Variants in CSNK1G3 observed in about 807,000 individuals in gnomAD.
The protein encoded by CSNK1G3 is casein kinase 1 gamma 3, also known as casein kinase I isoform gamma-3.
In CSNK1G3, 23 loss-of-function variants were observed where a neutral mutation model predicts 64.3. That is an observed-to-expected ratio of 0.36 (90% CI 0.26 to 0.51). The LOEUF (loss-of-function observed/expected upper bound fraction) is 0.51. Ranked by LOEUF, CSNK1G3 falls within the 20% of genes least tolerant of loss-of-function variation. CSNK1G3 has a pLI of 0.96. For synonymous variants in CSNK1G3, 158 were observed against 162.2 expected, an observed-to-expected ratio of 0.97 and a Z score of 0.20; for missense variants, 357 against 510.5, an observed-to-expected ratio of 0.70 and a Z score of 2.90.
At chr5:123,536,867 A>G (rs1426972850) in intron 1 of CSNK1G3, among the ~76,000 whole-genome samples, 2 of 152,212 alleles carry the variant, frequency 1.3e-5, no homozygotes, top group Non-Finnish European at 2.9e-5. Flanking sequence ...AGGGAAATGC[A>G]AATTAAAACC....
At chr5:123,591,327 A>T (rs2150983398) in exon 10 of CSNK1G3, 1 of 1,602,070 alleles carries the variant, frequency 6.2e-7, no homozygotes, top group East Asian at 2.3e-5. Context: ...AGCCTACTCC[A>T]GTGGGTGCAG....
At chr5:123,569,677 A>G (rs896138258) in intron 4 of CSNK1G3, among the ~76,000 whole-genome samples, 1 of 152,220 alleles carries the variant, frequency 6.6e-6, no homozygotes, top group South Asian at 2.1e-4. Context: ...GAAAGCTTTA[A>G]TTTTATTATT....
chr5:123,593,992 G>C (rs777956261), intron 10 of CSNK1G3, among the ~76,000 whole-genome samples: 1 of 152,070 alleles, frequency 6.6e-6, no homozygotes. Flanking sequence ...TTCGTAAGGA[G>C]CTAGGTAGTA....
intron 6 of CSNK1G3, among the ~76,000 whole-genome samples, chr5:123,582,212 G>A (rs1317016453): frequency 6.6e-6 from 1 of 152,068 alleles, no homozygotes; most frequent in Non-Finnish European, 1.5e-5. Context: ...AATAAATAAT[G>A]TTGAGATATA....
At chr5:123,606,735 G>C (rs928102692) in intron 12 of CSNK1G3, among the ~76,000 whole-genome samples, 1 of 151,944 alleles carries the variant, frequency 6.6e-6, no homozygotes, top group Non-Finnish European at 1.5e-5. Context: ...ACTGAAACTG[G>C]CTGTTCTGTG....
chr5:123,590,476 A>G (rs1308260170), exon 9 of CSNK1G3: 1 of 1,536,736 alleles, frequency 6.5e-7, no homozygotes, highest in Non-Finnish European at 8.7e-7. Flanking sequence ...GACTATGACT[A>G]CTTAAGAAAG....
At chr5:123,515,143 C>G (rs1463234627) in intron 1 of CSNK1G3, among the ~76,000 whole-genome samples, 1 of 152,114 alleles carries the variant, frequency 6.6e-6, no homozygotes, top group Non-Finnish European at 1.5e-5. Context: ...TCAATCCAGA[C>G]TGTAAAAATG....
intron 1 of CSNK1G3, among the ~76,000 whole-genome samples, chr5:123,542,020 A>G (rs189449329): frequency 2.7e-4 from 41 of 151,962 alleles, no homozygotes; most frequent in African/African-American, 9.4e-4. Context: ...GTGCGTTTTA[A>G]CTTATCATTG....
intron 1 of CSNK1G3, among the ~76,000 whole-genome samples, chr5:123,529,890 A>C (rs1330664726): frequency 6.6e-6 from 1 of 152,136 alleles, no homozygotes; most frequent in African/African-American, 2.4e-5. Context: ...TTACATGAGC[A>C]CTTTGGGAGA....
At chr5:123,565,296 A>G (rs1193071285) in intron 4 of CSNK1G3, among the ~76,000 whole-genome samples, 1 of 152,184 alleles carries the variant, frequency 6.6e-6, no homozygotes, top group African/African-American at 2.4e-5. Flanking sequence ...TTTTGATATT[A>G]CTGACTTCCT....
At chr5:123,581,633 A>G (rs752810089) in intron 6 of CSNK1G3, among the ~76,000 whole-genome samples, 4 of 151,698 alleles carry the variant, frequency 2.6e-5, no homozygotes, top group Non-Finnish European at 3.0e-5. Context: ...TGTTTAGATT[A>G]GTGAACTGTT....
intron 12 of CSNK1G3, among the ~76,000 whole-genome samples, chr5:123,608,635 A>C (rs1231075879): frequency 6.6e-6 from 1 of 152,134 alleles, no homozygotes; most frequent in Non-Finnish European, 1.5e-5. Flanking sequence ...AAGTTTGCAT[A>C]CCATTAAGTT....
At chr5:123,617,041 ATAAAT>A (rs1261276494), downstream of CSNK1G3, 2 of 152,320 alleles carry the variant, frequency 1.3e-5, no homozygotes, top group South Asian at 2.1e-4. Context: ...ACATCTTCTG[ATAAAT>A]TAAGGGAAAT....
At chr5:123,514,223 G>C (rs955391893) in intron 1 of CSNK1G3, among the ~76,000 whole-genome samples, 32 of 152,148 alleles carry the variant, frequency 2.1e-4, no homozygotes, top group Non-Finnish European at 3.8e-4. Context: ...TGGGGATCTT[G>C]AGAAACGATT....
chr5:123,571,181 G>A (rs564594754), intron 4 of CSNK1G3, among the ~76,000 whole-genome samples: 2 of 152,154 alleles, frequency 1.3e-5, no homozygotes, highest in East Asian at 3.9e-4. Flanking sequence ...TACACATTGG[G>A]GTGTATCAGA....
At chr5:123,600,486 A>T (rs961219297) in intron 10 of CSNK1G3, among the ~76,000 whole-genome samples, 1 of 151,990 alleles carries the variant, frequency 6.6e-6, no homozygotes, top group African/African-American at 2.4e-5. Context: ...TTAGCCAGGC[A>T]TGGTGGTGCA....
chr5:123,521,582 C>A (rs1778121572), intron 1 of CSNK1G3, among the ~76,000 whole-genome samples: 1 of 151,996 alleles, frequency 6.6e-6, no homozygotes, highest in Admixed American at 6.6e-5. Flanking sequence ...AAAAAGAAAT[C>A]CTGAGCATTT....
intron 6 of CSNK1G3, among the ~76,000 whole-genome samples, chr5:123,576,545 ATATT>A (rs1369551136): frequency 6.6e-6 from 1 of 152,098 alleles, no homozygotes; most frequent in African/African-American, 2.4e-5. Flanking sequence ...ACCCAGATTC[ATATT>A]TATCATATCC....
chr5:123,574,184 A>C (rs1788697413), intron 5 of CSNK1G3, among the ~76,000 whole-genome samples: 1 of 152,106 alleles, frequency 6.6e-6, no homozygotes, highest in African/African-American at 2.4e-5. Flanking sequence ...AATAGACTTT[A>C]TGACCTGGAA....
Sources: gnomAD v4.1 joint callset for allele counts (sites outside exome capture counted in the v4.1 genomes callset) on GRCh38, gnomAD v4.1.1 for gene constraint, MANE v1.5 for transcripts, NCBI Gene and HGNC (gene_info 2026-07-23, HGNC 2026-07-21) for gene names.